The following PLCXD2 variants were observed in gnomAD, a reference collection of about 807,000 sequenced individuals.
PLCXD2 encodes phosphatidylinositol specific phospholipase C X domain containing 2.
Under a neutral mutation model 28.6 loss-of-function variants are expected in PLCXD2, and 21 were observed. That is an observed-to-expected ratio of 0.73 (90% CI 0.52 to 1.06). The LOEUF is 1.06. Ranked by LOEUF, PLCXD2 falls within the 50% of genes least tolerant of loss-of-function variation. The pLI, the probability that PLCXD2 is intolerant of heterozygous loss-of-function variation, is 0.00. For missense variants in PLCXD2, 369 were observed against 376.7 expected (o/e 0.98, Z 0.17); for synonymous variants, 140 against 150.1 (o/e 0.93, Z 0.49).
chr3:111,705,475 G>A (rs1347512597), intron 1 of PLCXD2, among the ~76,000 whole-genome samples: 1 of 152,086 alleles, frequency 6.6e-6, no homozygotes, highest in Non-Finnish European at 1.5e-5. Flanking sequence ...AAACATGGGG[G>A]TGCAGGTATC....
intron 1 of PLCXD2, among the ~76,000 whole-genome samples, chr3:111,686,226 G>A (rs556467469): frequency 1.2e-4 from 18 of 152,286 alleles, no homozygotes; most frequent in African/African-American, 4.3e-4. Flanking sequence ...CATCCAGCCA[G>A]TTGCAGGGGT....
chr3:111,714,577 A>G (rs926314527), intron 3 of PLCXD2, among the ~76,000 whole-genome samples: 1 of 152,164 alleles, frequency 6.6e-6, no homozygotes, highest in Non-Finnish European at 1.5e-5. Context: ...CTGAAGAAGC[A>G]GCTTAGGATG....
chr3:111,681,350 C>T (rs903987365), intron 1 of PLCXD2, among the ~76,000 whole-genome samples: 4 of 152,238 alleles, frequency 2.6e-5, no homozygotes, highest in Admixed American at 6.5e-5. Context: ...AAACTCAGCC[C>T]TCTGTGACAG....
chr3:111,715,505 G>A (rs1941256098), intron 3 of PLCXD2, among the ~76,000 whole-genome samples: 1 of 152,216 alleles, frequency 6.6e-6, no homozygotes, highest in Non-Finnish European at 1.5e-5. Context: ...CTGTGAAGAA[G>A]TCTGTGCAGA....
chr3:111,702,943 T>A lies in PLCXD2; in HGVS notation c.164-4983T>A, dbSNP rs906969676. Among the ~76,000 whole-genome samples the A allele has an allele frequency of 5.3e-5, 8 of 152,200 alleles. 1 individual carries two copies. The highest frequency in any genetic ancestry group is 5.2e-4 in the Admixed American group (8 of 15,278). On this transcript the variant is annotated intron_variant, in intron 1 of 4. Coordinates refer to ENST00000477665, the MANE Select transcript of PLCXD2 (RefSeq NM_001185106.1). The stretch of plus-strand genomic sequence containing the variant: ...TTGCAGATTACATGGTTTATAAATA[T>A]TGTATGTGCAGGAATGGGGGGACAT...
chr3:111,711,101 C>G (rs1465375905), intron 2 of PLCXD2, among the ~76,000 whole-genome samples: 1 of 152,090 alleles, frequency 6.6e-6, no homozygotes, highest in Admixed American at 6.5e-5. Context: ...TTTTTCCTGC[C>G]ACATTTCTTC....
chr3:111,687,717 T>C (rs1471346204), intron 1 of PLCXD2, among the ~76,000 whole-genome samples: 2 of 151,348 alleles, frequency 1.3e-5, no homozygotes, highest in Non-Finnish European at 2.9e-5. Flanking sequence ...GACAGGGTCT[T>C]GCTCTGTCAC....
chr3:111,719,873 T>C (rs1418729954), intron 3 of PLCXD2, among the ~76,000 whole-genome samples: 1 of 152,214 alleles, frequency 6.6e-6, no homozygotes, highest in Non-Finnish European at 1.5e-5. Flanking sequence ...TTAAGATTTG[T>C]GAATTTTATT....
At chr3:111,718,958 A>T (rs552154428) in intron 3 of PLCXD2, among the ~76,000 whole-genome samples, 14 of 152,350 alleles carry the variant, frequency 9.2e-5, no homozygotes, top group Admixed American at 2.0e-4. Context: ...TTGATTAATA[A>T]AATGAGACTG....
chr3:111,680,036 C>G (rs897947953), intron 1 of PLCXD2, among the ~76,000 whole-genome samples: 2 of 152,200 alleles, frequency 1.3e-5, no homozygotes, highest in African/African-American at 4.8e-5. Flanking sequence ...CCAGATGATT[C>G]TCTGATCTCA....
intron 1 of PLCXD2, among the ~76,000 whole-genome samples, chr3:111,686,469 T>C (rs929871844): frequency 4.6e-5 from 7 of 152,246 alleles, no homozygotes; most frequent in Non-Finnish European, 1.0e-4. Context: ...GTTTGATGGT[T>C]ATTATGAATA....
rs2107833745 is a variant in PLCXD2 at position 111,675,004 on chromosome 3, A to C, written c.-242A>C. 1 of 482,098 alleles carries C rather than the reference A, an allele frequency of 2.1e-6. No individual in the cohort carries two copies. Among genetic ancestry groups the C allele is most frequent in the African/African-American group, 2.0e-5 (1 of 50,850 alleles). The allele number at this position is 482,098 out of a possible 1,614,324, so 29.9% of individuals were successfully genotyped here. On this transcript the variant is annotated 5_prime_UTR_variant, in exon 1 of 5. Transcript: ENST00000477665. Reference sequence around the variant, plus strand: ...CCCATCTCCAGAGGGGAACATAAGAAGTTTAACGGAGCTGGGACTGAGCAG... The same window carrying C: ...CCCATCTCCAGAGGGGAACATAAGACGTTTAACGGAGCTGGGACTGAGCAG...
chr3:111,678,555 C>A (rs141623123), intron 1 of PLCXD2, among the ~76,000 whole-genome samples: 131 of 152,152 alleles, frequency 8.6e-4, no homozygotes, highest in African/African-American at 3.0e-3. Flanking sequence ...CACTTTCTTT[C>A]TTATTAAAGG....
At chr3:111,719,478 G>A (rs1941317261) in intron 3 of PLCXD2, among the ~76,000 whole-genome samples, 1 of 152,118 alleles carries the variant, frequency 6.6e-6, no homozygotes, top group Non-Finnish European at 1.5e-5. Context: ...ACTGGCAATA[G>A]CCCAAGTGTC....
At chr3:111,711,288 C>T (rs1941196372) in intron 2 of PLCXD2, among the ~76,000 whole-genome samples, 1 of 152,190 alleles carries the variant, frequency 6.6e-6, no homozygotes. Context: ...CCTGTAATCC[C>T]AGCTACTCGG....
intron 3 of PLCXD2, chr3:111,721,381 A>G (rs1331970766): frequency 6.6e-6 from 1 of 152,250 alleles, no homozygotes; most frequent in African/African-American, 2.4e-5. Flanking sequence ...GCCAAGCACC[A>G]GGTCTCTCTA....
At chr3:111,692,115 C>T (rs1940886751) in intron 1 of PLCXD2, among the ~76,000 whole-genome samples, 1 of 152,202 alleles carries the variant, frequency 6.6e-6, no homozygotes. Flanking sequence ...GATCTCGGCT[C>T]ACTGCAAGCT....
chr3:111,703,637 A>G (rs2107858405), intron 1 of PLCXD2, among the ~76,000 whole-genome samples: 1 of 152,344 alleles, frequency 6.6e-6, no homozygotes, highest in Middle Eastern at 3.4e-3. Flanking sequence ...TGTTAATGAA[A>G]TTTAAAAAGA....
intron 1 of PLCXD2, 104 bp downstream of exon 1, chr3:111,675,512 G>A (rs1940608123): frequency 3.6e-6 from 5 of 1,370,064 alleles, no homozygotes; most frequent in East Asian, 2.3e-5. Context: ...TTAATTGTCA[G>A]TGACCCCTTT....
Sources: gnomAD v4.1 joint callset for allele counts (sites outside exome capture counted in the v4.1 genomes callset) on GRCh38, gnomAD v4.1.1 for gene constraint, MANE v1.5 for transcripts, NCBI Gene and HGNC (gene_info 2026-07-23, HGNC 2026-07-21) for gene names.